Variants in CNTN4 observed in about 807,000 individuals in gnomAD.
The protein encoded by CNTN4 is contactin 4, also known as contactin-4.
CNTN4 carries 77 observed loss-of-function variants against 122.5 expected under a neutral mutation model. The ratio of observed to expected loss-of-function variants is 0.63; its 90% CI spans 0.52 to 0.76. The LOEUF (loss-of-function observed/expected upper bound fraction) is 0.76, where lower values mean the gene tolerates loss of function less well. Ranked by LOEUF, CNTN4 falls within the 30% of genes least tolerant of loss-of-function variation. The pLI, the probability that CNTN4 is intolerant of heterozygous loss-of-function variation, is 0.00. For missense variants in CNTN4, 1,256 were observed against 1,259.1 expected (o/e 1.00, Z 0.04); for synonymous variants, 512 against 447.0 (o/e 1.15, Z -1.83).
At chr3:2,669,838 A>G (rs954106824) in intron 4 of CNTN4, among the ~76,000 whole-genome samples, 4 of 152,004 alleles carry the variant, frequency 2.6e-5, no homozygotes, top group African/African-American at 9.7e-5. Context: ...TTCTGCCTTC[A>G]TTTCGTTATG....
chr3:2,585,281 C>T (rs556290446), intron 4 of CNTN4, among the ~76,000 whole-genome samples: 1,644 of 151,388 alleles, frequency 0.011, 24 homozygotes, highest in African/African-American at 0.038. Flanking sequence ...GTCAGAGTGG[C>T]GATTCCTCAG....
intron 2 of CNTN4, among the ~76,000 whole-genome samples, chr3:2,305,775 T>C (rs1309354363): frequency 6.6e-6 from 1 of 152,130 alleles, no homozygotes; most frequent in Non-Finnish European, 1.5e-5. Flanking sequence ...CAGGACCCAT[T>C]AGCAGCCACT....
At chr3:2,653,201 T>G (rs1341046792) in intron 4 of CNTN4, among the ~76,000 whole-genome samples, 1 of 152,174 alleles carries the variant, frequency 6.6e-6, no homozygotes, top group East Asian at 1.9e-4. Flanking sequence ...TTTTAAAAAT[T>G]GTAAAAAAAG....
intron 2 of CNTN4, among the ~76,000 whole-genome samples, chr3:2,125,894 G>GGTGTGTGTGTGTGTGTGTGTGTGT (rs61706367): frequency 7.0e-6 from 1 of 143,374 alleles, no homozygotes; most frequent in African/African-American, 2.6e-5. Context: ...TTTTATTTCT[G>GGTGTGTGTGTGTGTGTGTGTGTGT]GTGTGTGTGT....
intron 3 of CNTN4, among the ~76,000 whole-genome samples, chr3:2,403,790 G>A (rs766983473): frequency 1.3e-5 from 2 of 152,110 alleles, no homozygotes; most frequent in African/African-American, 2.4e-5. Context: ...TAGAGGTGAT[G>A]AAATGCCAAA....
chr3:2,994,609 A>ATATT (rs1211360850), intron 14 of CNTN4, among the ~76,000 whole-genome samples: 1 of 148,974 alleles, frequency 6.7e-6, no homozygotes, highest in African/African-American at 2.5e-5. Context: ...ATATATATAT[A>ATATT]TATATGTGTG....
chr3:3,042,384 C>T lies in CNTN4; in HGVS notation c.2473C>T (p.Pro825Ser), dbSNP rs1452350930. 5 of 1,613,776 alleles carry T rather than the reference C, an allele frequency of 3.1e-6. No homozygotes were observed. The highest frequency in any genetic ancestry group is 1.3e-5 in the African/African-American group (1 of 75,006). Residue 825 changes from proline (P) to serine (S), a missense_variant, in exon 21 of 25, where the codon CCA becomes TCA. Transcript: ENST00000418658. ...AGATATTGAAGTTTTCTGGGCCTCC[C>T]CACTGGAGAAGAATAGAGGACGAAT... Reference protein sequence around the residue: ...ATDIEVFWASPLEKNRGRIQG... With the variant: ...ATDIEVFWASSLEKNRGRIQG...
At chr3:2,787,814 G>T (rs6788224) in intron 6 of CNTN4, among the ~76,000 whole-genome samples, 1 of 148,730 alleles carries the variant, frequency 6.7e-6, no homozygotes, top group South Asian at 2.1e-4. Flanking sequence ...TTTTGAGGCA[G>T]GGTCTTGCTC....
At chr3:2,642,070 A>T (rs976467903) in intron 4 of CNTN4, among the ~76,000 whole-genome samples, 1 of 152,212 alleles carries the variant, frequency 6.6e-6, no homozygotes, top group African/African-American at 2.4e-5. Context: ...ACATGATCAC[A>T]AGATAAGGTC....
chr3:2,767,047 T>G (rs2063891), intron 6 of CNTN4, among the ~76,000 whole-genome samples: 150,153 of 152,282 alleles, frequency 0.99, 74,056 homozygotes, highest in East Asian at 1. Context: ...AAAATGGTCT[T>G]GGTGTATCAC....
chr3:2,666,305 T>G (rs1559363737), intron 4 of CNTN4, among the ~76,000 whole-genome samples: 1 of 152,210 alleles, frequency 6.6e-6, no homozygotes, highest in Admixed American at 6.5e-5. Flanking sequence ...AGTCTTGTTT[T>G]TGTAGAATAG....
chr3:2,739,186 G>A (rs909388436), intron 5 of CNTN4, among the ~76,000 whole-genome samples: 13 of 151,806 alleles, frequency 8.6e-5, no homozygotes, highest in Admixed American at 2.0e-4. Context: ...AAACTACAAC[G>A]ACATACTCTT....
chr3:2,415,395 T>C (rs1367622581), intron 3 of CNTN4, among the ~76,000 whole-genome samples: 3 of 152,230 alleles, frequency 2.0e-5, no homozygotes, highest in African/African-American at 7.2e-5. Flanking sequence ...ATATGAATTG[T>C]ACAGAATTTC....
chr3:2,852,544 A>G (rs2093564622), intron 7 of CNTN4, among the ~76,000 whole-genome samples: 1 of 152,232 alleles, frequency 6.6e-6, no homozygotes, highest in African/African-American at 2.4e-5. Context: ...CATGTGCTCG[A>G]CACTGTGCTG....
chr3:2,661,846 C>T (rs1446999650), intron 4 of CNTN4, among the ~76,000 whole-genome samples: 1 of 149,926 alleles, frequency 6.7e-6, no homozygotes, highest in Non-Finnish European at 1.5e-5. Context: ...CTGCATCATC[C>T]TGATGATGTT....
chr3:2,135,156 C>T (rs1574911048), intron 2 of CNTN4, among the ~76,000 whole-genome samples: 1 of 151,890 alleles, frequency 6.6e-6, no homozygotes, highest in Non-Finnish European at 1.5e-5. Context: ...TGTGGCAGGG[C>T]CAGGTAGGAG....
intron 3 of CNTN4, among the ~76,000 whole-genome samples, chr3:2,409,464 G>T (rs1468138270): frequency 1.3e-5 from 2 of 151,930 alleles, no homozygotes; most frequent in Non-Finnish European, 2.9e-5. Context: ...AGCCAGGAGG[G>T]TCTCGAATTC....
At chr3:2,387,396 A>G (rs537745123) in intron 3 of CNTN4, among the ~76,000 whole-genome samples, 19 of 152,302 alleles carry the variant, frequency 1.2e-4, no homozygotes, top group South Asian at 1.2e-3. Context: ...AAATAAGTGT[A>G]CAGCACTTGC....
At chr3:2,205,320 C>A (rs1015345640) in intron 2 of CNTN4, among the ~76,000 whole-genome samples, 2 of 148,986 alleles carry the variant, frequency 1.3e-5, no homozygotes, top group African/African-American at 4.9e-5. Flanking sequence ...AGTATAATTA[C>A]TAATTTATTT....
Sources: gnomAD v4.1 joint callset for allele counts (sites outside exome capture counted in the v4.1 genomes callset) on GRCh38, gnomAD v4.1.1 for gene constraint, MANE v1.5 for transcripts, NCBI Gene and HGNC (gene_info 2026-07-23, HGNC 2026-07-21) for gene names.